The following APOB variants were observed in gnomAD, a reference collection of about 807,000 sequenced individuals.
The protein encoded by APOB is apolipoprotein B-100.
APOB carries 153 observed loss-of-function variants against 314.1 expected under a neutral mutation model. The ratio of observed to expected loss-of-function variants is 0.49; its 90% CI spans 0.43 to 0.56. The LOEUF (loss-of-function observed/expected upper bound fraction) is 0.56, where lower values mean the gene tolerates loss of function less well. Among genes scored for constraint, APOB ranks in the 20% least tolerant of loss-of-function variants. The pLI, the probability that APOB is intolerant of heterozygous loss-of-function variation, is 0.00. For synonymous variants in APOB, 2,087 were observed against 2,036.4 expected (o/e 1.02, Z -0.67); for missense variants, 5,430 against 5,350.7 (o/e 1.01, Z -0.46).
chr2:21,023,468 A>G lies in APOB; in HGVS notation c.2604+57T>C. The stretch of plus-strand genomic sequence containing the variant: ...CATTTTTAAATATGTTTTAACAAGA[A>G]ATGCACCCTGGAAGAAAGTAATAAC... On this transcript the variant is annotated intron_variant, in intron 17 of 28. Transcript: ENST00000233242. 2 of 1,586,446 alleles carry G rather than the reference A, an allele frequency of 1.3e-6. 1 individual carries two copies. Among genetic ancestry groups the G allele is most frequent in the South Asian group, 2.2e-5 (2 of 90,470 alleles).
chr2:21,001,586 A>T lies in APOB; in HGVS notation c.*144T>A, dbSNP rs938275256. Reference sequence around the variant, plus strand: ...GCCAGCTTTGGTGCAGGTCCAGTTCATATGTGCTTCTGCTTATAGTCTACT... The same window carrying T: ...GCCAGCTTTGGTGCAGGTCCAGTTCTTATGTGCTTCTGCTTATAGTCTACT... On this transcript the variant is annotated 3_prime_UTR_variant, in exon 29 of 29. Transcript: ENST00000233242. The T allele has an allele frequency of 8.0e-6, 6 of 753,936 alleles. No homozygotes were observed. The highest frequency in any genetic ancestry group is 5.3e-5 in the Admixed American group (2 of 37,760). 46.7% of individuals were successfully genotyped at this position (753,936 alleles called of 1,614,324 possible).
chr2:21,009,275 T>A lies in APOB; in HGVS notation c.7593A>T (p.Glu2531Asp). ...CTACCAGAGACAGGTATCGTTGAAG[T>A]TCCTGCTGAATGTCCATTTGATACA... ...DRMYQMDIQQ[E>D]LQRYLSLVGQ... is the part of the protein sequence containing the mutation. Residue 2531 changes from glutamate (E) to aspartate (D), a missense_variant, in exon 26 of 29, where the codon GAA becomes GAT. Glu to Asp is a conservative substitution (Grantham distance 45). Coordinates refer to ENST00000233242, the MANE Select transcript of APOB (RefSeq NM_000384.3). The A allele has an allele frequency of 6.2e-7, 1 of 1,614,110 alleles. No homozygotes were observed. Among genetic ancestry groups the A allele is most frequent in the South Asian group, 1.1e-5 (1 of 91,078 alleles).
intron 4 of APOB, among the ~76,000 whole-genome samples, chr2:21,040,221 G>A (rs1664098091): frequency 1.3e-5 from 2 of 152,196 alleles, no homozygotes; most frequent in Admixed American, 6.5e-5. Flanking sequence ...CCAGCCACGT[G>A]GAACTGTGAG....
Position 21,012,116 on chromosome 2 carries a change from A to C in APOB, c.4752T>G (p.Ser1584=). 1.2e-6 allele frequency: 2 copies of C among 1,610,020 alleles called. No homozygotes were observed. The highest frequency in any genetic ancestry group is 2.2e-5 in the East Asian group (1 of 44,816). ...TAGAGAAGGTCATATCCATCTTGTT[A>C]GAAGTGGCAAAGTTCTTATACTTCC... ...TNGKYKNFAT[S]NKMDMTFSKQ... The change falls in exon 26 of 29, where the codon TCT becomes TCG. Residue 1584 remains serine, a synonymous_variant. Coordinates refer to ENST00000233242, the MANE Select transcript of APOB (RefSeq NM_000384.3).
chr2:21,004,530 A>G (rs1202748458), intron 27 of APOB, 31 bp downstream of exon 27: 3 of 1,612,166 alleles, frequency 1.9e-6, no homozygotes, highest in Non-Finnish European at 2.5e-6. Flanking sequence ...TTCAAAAGGT[A>G]TAAGGTTTCA....
chr2:21,040,578 C>T (rs978386525), intron 4 of APOB, among the ~76,000 whole-genome samples: 5 of 152,186 alleles, frequency 3.3e-5, no homozygotes, highest in Non-Finnish European at 5.9e-5. Context: ...CGCCATGTGC[C>T]GGCCACAGCA....
chr2:21,023,671 C>T lies in APOB; in HGVS notation c.2458G>A (p.Gly820Ser), dbSNP rs759678346. The T allele has an allele frequency of 4.3e-6, 7 of 1,611,904 alleles. No homozygotes were observed. The Admixed American group carries it at 1.2e-4, about 27-fold the overall frequency. Residue 820 changes from glycine (G) to serine (S), a missense_variant, in exon 17 of 29, where the codon GGC becomes AGC. Transcript: ENST00000233242. ...TGAAGAAAAAAGTCATTCTTTGAGC[C>T]CTTCCTGATGACCTCTCCAATCTGT... ...PQMIGEVIRK[G>S]SKNDFFLHYI... is the part of the protein sequence containing the mutation.
At position 21,003,227 on chromosome 2, in the gene APOB, G is replaced by A; in HGVS notation, c.12195C>T (p.Gly4065=). 1 of 1,614,006 alleles carries A rather than the reference G, an allele frequency of 6.2e-7. No homozygotes were observed. The highest frequency in any genetic ancestry group is 8.5e-7 in the Non-Finnish European group (1 of 1,179,966). Residue 4065 remains glycine, a synonymous_variant, in exon 29 of 29, where the codon GGC becomes GGT. Transcript: ENST00000233242. ...KVNWEEEAAS[G]LLTSLKDNVP... ...CGTTGTCTTTCAGAGAGGTTAGCAA[G>A]CCAGAAGCTGCCTCTTCTTCCCAAT...
intron 19 of APOB, 47 bp from the exon 20 acceptor site, chr2:21,019,160 G>C (rs1442110319): frequency 1.2e-6 from 2 of 1,612,838 alleles, no homozygotes; most frequent in Admixed American, 3.3e-5. Flanking sequence ...GAGCTTTCAA[G>C]GATGGTGATT....
intron 6 of APOB, among the ~76,000 whole-genome samples, chr2:21,036,872 G>C (rs192658284): frequency 6.6e-6 from 1 of 152,292 alleles, no homozygotes; most frequent in African/African-American, 2.4e-5. Context: ...GAAAGACAGA[G>C]CTCTGGGCTG....
chr2:21,043,729 C>T lies in APOB; in HGVS notation c.82+135G>A, dbSNP rs1035877048. ...ATCCTGAGCCTGCAGGGGCCGCCAG[C>T]TGGTCCAATCCCCCCACTCGCCCTG... On this transcript the variant is annotated intron_variant, in intron 1 of 28. Transcript: ENST00000233242. 2.7e-5 allele frequency: 40 copies of T among 1,508,248 alleles called. No individual in the cohort carries two copies. The African/African-American group carries it at 4.4e-4, about 17-fold the overall frequency. 93.4% of individuals were successfully genotyped at this position (1,508,248 alleles called of 1,614,324 possible). A position where few individuals can be genotyped will look rare whatever the true frequency, so the allele number is the denominator to read the frequency against.
intron 4 of APOB, among the ~76,000 whole-genome samples, chr2:21,038,470 A>T (rs553712909): frequency 6.6e-6 from 1 of 152,110 alleles, no homozygotes; most frequent in East Asian, 1.9e-4. Context: ...CGGAGTAGCT[A>T]GGACTACTGG....
At chr2:21,014,637 G>A (rs373383456) in intron 23 of APOB, 44 bp from the exon 24 acceptor site, 2 of 1,608,906 alleles carry the variant, frequency 1.2e-6, no homozygotes, top group Non-Finnish European at 1.7e-6. Flanking sequence ...GCTTGGATGA[G>A]CCTCAAAGAG....
At chr2:21,030,059 A>G in intron 10 of APOB, 44 bp from the exon 11 acceptor site, 1 of 1,296,260 alleles carries the variant, frequency 7.7e-7, no homozygotes, top group Non-Finnish European at 1.1e-6. Context: ...AACCCCAGTT[A>G]GGTTTGTCTT....
At position 21,002,771 on chromosome 2, in the gene APOB, G is replaced by A. The variant is rs1292181150; in HGVS notation, c.12651C>T (p.Cys4217=). Residue 4217 remains cysteine (C), a synonymous_variant, in exon 29 of 29, where the codon TGC becomes TGT. Transcript: ENST00000233242. ...KPGIYTREEL[C]TMFIREVGTV... ...TCCCTACCTCCCTTATGAACATAGT[G>A]CAAAGTTCCTCCCTAGTGTATATCC... The A allele has an allele frequency of 2.5e-6, 4 of 1,608,064 alleles. No homozygotes were observed. Among genetic ancestry groups the A allele is most frequent in the Non-Finnish European group, 3.4e-6 (4 of 1,176,322 alleles).
chr2:21,039,085 C>G (rs948754571), intron 4 of APOB, among the ~76,000 whole-genome samples: 3 of 152,190 alleles, frequency 2.0e-5, no homozygotes, highest in African/African-American at 7.2e-5. Flanking sequence ...TATCTTCACA[C>G]ATTACTGCTT....
chr2:21,010,658 G>A lies in APOB; in HGVS notation c.6210C>T (p.Asn2070=), dbSNP rs775594124. 6.2e-7 allele frequency: 1 copy of A among 1,613,924 alleles called. No homozygotes were observed. Among genetic ancestry groups the A allele is most frequent in the African/African-American group, 1.3e-5 (1 of 74,898 alleles). Residue 2070 remains asparagine, a synonymous_variant, in exon 26 of 29, where the codon AAC becomes AAT. Transcript: ENST00000233242. ...YDKNQDVHSI[N]LPFFETLQEY... The stretch of plus-strand genomic sequence containing the variant: ...CTTGCAAGGTCTCAAAAAATGGGAG[G>A]TTAATGGAGTGAACATCTTGGTTTT...
intron 16 of APOB, chr2:21,024,493 T>A (rs1020465774): frequency 2.0e-5 from 5 of 253,260 alleles, no homozygotes; most frequent in Admixed American, 1.5e-4. Context: ...CTGGTGCACG[T>A]CCACAGTCCC....
At chr2:21,004,981 G>A in intron 26 of APOB, 99 bp downstream of exon 26, 2 of 1,505,766 alleles carry the variant, frequency 1.3e-6, no homozygotes, top group Admixed American at 1.7e-5. Context: ...GTGACATTGA[G>A]TAATTGTACA....
Sources: allele counts gnomAD v4.1 joint callset (sites outside exome capture counted in the v4.1 genomes callset), GRCh38; gene constraint gnomAD v4.1.1; transcripts MANE v1.5; gene names NCBI Gene and HGNC (gene_info 2026-07-23, HGNC 2026-07-21).